GPC6: variants seen among roughly 807,000 people sequenced by gnomAD.
GPC6 encodes glypican 6, also known as glypican-6.
Under a neutral mutation model 55.2 loss-of-function variants are expected in GPC6, and 14 were observed. The ratio of observed to expected loss-of-function variants is 0.25; its 90% CI spans 0.17 to 0.40. The LOEUF is 0.40. Ranked by LOEUF, GPC6 falls within the 10% of genes least tolerant of loss-of-function variation. The probability of loss-of-function intolerance (pLI) is 1.00; values close to 1 mark genes in which losing one functional copy is unlikely to be tolerated. For missense variants in GPC6, 641 were observed against 708.5 expected (o/e 0.90, Z 1.08); for synonymous variants, 278 against 259.6 (o/e 1.07, Z -0.68).
intron 1 of GPC6, among the ~76,000 whole-genome samples, chr13:93,457,867 G>C (rs1172836144): frequency 6.6e-6 from 1 of 152,076 alleles, no homozygotes. Flanking sequence ...CTATTTCGAA[G>C]TCTTGACAAG....
intron 4 of GPC6, among the ~76,000 whole-genome samples, chr13:94,193,048 A>G (rs1382890804): frequency 6.8e-6 from 1 of 147,574 alleles, no homozygotes. Flanking sequence ...TACACTTGAA[A>G]CGGTGAGACT....
intron 5 of GPC6, among the ~76,000 whole-genome samples, chr13:94,299,180 C>T (rs189553400): frequency 7.2e-5 from 11 of 151,974 alleles, no homozygotes; most frequent in Admixed American, 2.0e-4. Flanking sequence ...CTGCGTAATC[C>T]TTAGATTTGA....
intron 1 of GPC6, among the ~76,000 whole-genome samples, chr13:93,349,012 A>G (rs1439872105): frequency 6.6e-6 from 1 of 152,204 alleles, no homozygotes; most frequent in Non-Finnish European, 1.5e-5. Flanking sequence ...CATTAGCCCC[A>G]GTTTGACTGT....
intron 4 of GPC6, among the ~76,000 whole-genome samples, chr13:94,164,992 T>A (rs1359775237): frequency 6.9e-6 from 1 of 145,294 alleles, no homozygotes; most frequent in Non-Finnish European, 1.5e-5. Flanking sequence ...GTGTGGAGAT[T>A]TTTTAAAGAA....
chr13:93,797,999 G>A (rs1011223553), intron 2 of GPC6, among the ~76,000 whole-genome samples: 3 of 152,148 alleles, frequency 2.0e-5, no homozygotes, highest in Non-Finnish European at 1.5e-5. Context: ...CGGAAGCACA[G>A]GAAAGGCAGT....
At chr13:93,876,148 A>G (rs2140305611) in intron 3 of GPC6, among the ~76,000 whole-genome samples, 1 of 152,138 alleles carries the variant, frequency 6.6e-6, no homozygotes, top group South Asian at 2.1e-4. Flanking sequence ...GTAAGTTTCT[A>G]AAAAGCACCT....
chr13:93,337,491 C>G (rs564459160), intron 1 of GPC6, among the ~76,000 whole-genome samples: 74 of 151,386 alleles, frequency 4.9e-4, no homozygotes, highest in African/African-American at 1.4e-3. Flanking sequence ...TGCCATTGTC[C>G]TCACTTAAAG....
intron 2 of GPC6, among the ~76,000 whole-genome samples, chr13:93,612,393 G>T (rs1166743013): frequency 6.6e-6 from 1 of 151,984 alleles, no homozygotes; most frequent in African/African-American, 2.4e-5. Context: ...CAGCTACTAG[G>T]GAGGCTGAGG....
intron 2 of GPC6, among the ~76,000 whole-genome samples, chr13:93,643,674 C>G (rs1880054792): frequency 6.6e-6 from 1 of 152,116 alleles, no homozygotes; most frequent in African/African-American, 2.4e-5. Flanking sequence ...TTTCTCCCAT[C>G]TCTGGTGATA....
chr13:93,434,546 T>TA (rs1877493317), intron 1 of GPC6, among the ~76,000 whole-genome samples: 1 of 152,052 alleles, frequency 6.6e-6, no homozygotes, highest in East Asian at 1.9e-4. Context: ...AAGCCATGAG[T>TA]AGTTGGGAAG....
intron 3 of GPC6, among the ~76,000 whole-genome samples, chr13:94,014,308 G>A (rs1411845900): frequency 1.3e-5 from 2 of 152,178 alleles, no homozygotes; most frequent in African/African-American, 2.4e-5. Context: ...TTTAGGTCAT[G>A]CACGTCAAGC....
rs147158512 is a variant in GPC6 at position 94,236,793 on chromosome 13, G to A, written c.878-49556G>A. Among the ~76,000 whole-genome samples the A allele has an allele frequency of 5.5e-4, 83 of 152,060 alleles. No individual in the cohort carries two copies. In the East Asian group the frequency reaches 7.4e-3, roughly 13 times the overall value. ...TACAGGGTGTCGTCTAAACTCTGAG[G>A]TAGAAAAAGTGAGGCAGAGAAGGCA... On this transcript the variant is annotated intron_variant, in intron 4 of 8. Transcript: ENST00000377047.
chr13:93,508,870 G>C (rs573781270), intron 1 of GPC6, among the ~76,000 whole-genome samples: 3 of 152,282 alleles, frequency 2.0e-5, no homozygotes, highest in Non-Finnish European at 2.9e-5. Flanking sequence ...AAGACTGGCA[G>C]TGGTATGTGT....
intron 1 of GPC6, among the ~76,000 whole-genome samples, chr13:93,487,628 A>G (rs188167189): frequency 6.6e-6 from 1 of 152,326 alleles, no homozygotes; most frequent in Non-Finnish European, 1.5e-5. Flanking sequence ...TTCCCTGTCC[A>G]TACCCCTTGT....
chr13:93,654,360 CT>C (rs1280223722), intron 2 of GPC6, among the ~76,000 whole-genome samples: 1 of 152,108 alleles, frequency 6.6e-6, no homozygotes, highest in Non-Finnish European at 1.5e-5. Flanking sequence ...CAGAATCTCA[CT>C]CTGTTGCCCA....
At chr13:93,982,501 C>T (rs888238607) in intron 3 of GPC6, among the ~76,000 whole-genome samples, 1 of 152,016 alleles carries the variant, frequency 6.6e-6, no homozygotes, top group South Asian at 2.1e-4. Flanking sequence ...TTAAAGATAC[C>T]GACCCTACAT....
At chr13:93,615,928 G>C (rs1878698280) in intron 2 of GPC6, among the ~76,000 whole-genome samples, 1 of 152,226 alleles carries the variant, frequency 6.6e-6, no homozygotes, top group South Asian at 2.1e-4. Flanking sequence ...TCACTCAGTA[G>C]TAACTAAACT....
At chr13:94,286,285 A>C in intron 4 of GPC6, 64 bp from the exon 5 acceptor site, 192 of 1,566,912 alleles carry the variant, frequency 1.2e-4, no homozygotes, top group Non-Finnish European at 1.6e-4. Flanking sequence ...AACAATGTTT[A>C]AACACAGGTT....
At chr13:93,553,031 T>A (rs1229118056) in intron 2 of GPC6, among the ~76,000 whole-genome samples, 1 of 152,154 alleles carries the variant, frequency 6.6e-6, no homozygotes, top group Non-Finnish European at 1.5e-5. Context: ...ACACAGTAGC[T>A]CAGTAGACTG....
Sources: allele counts gnomAD v4.1 joint callset (sites outside exome capture counted in the v4.1 genomes callset), GRCh38; gene constraint gnomAD v4.1.1; transcripts MANE v1.5; gene names NCBI Gene and HGNC (gene_info 2026-07-23, HGNC 2026-07-21).